Variants in FHAD1 observed in about 807,000 individuals in gnomAD.
The protein encoded by FHAD1 is forkhead associated phosphopeptide binding domain 1.
A neutral mutation model predicts 191.3 loss-of-function variants in FHAD1; 146 were observed. That is an observed-to-expected ratio of 0.76 (90% CI 0.67 to 0.88). The LOEUF is 0.88. FHAD1 is among the 40% of genes least tolerant of loss of function. The pLI is 0.00. For synonymous variants in FHAD1, 616 were observed against 672.3 expected, an observed-to-expected ratio of 0.92 and a Z score of 1.29; for missense variants, 1,635 against 1,785.8, an observed-to-expected ratio of 0.92 and a Z score of 1.52.
At position 15,363,841 on chromosome 1, in the gene FHAD1, G is replaced by A. The variant is rs773993505; in HGVS notation, c.3047+1115G>A. On this transcript the variant is annotated intron_variant, in intron 23 of 33. Coordinates refer to ENST00000688493, the MANE Select transcript of FHAD1 (RefSeq NM_001391957.1). ...GAAAGCAGCACGTAAAGAAGGAGGC[G>A]CCGATGGGATGCAGTGGAGGGATTC... 29 of 454,260 alleles carry A rather than the reference G, an allele frequency of 6.4e-5. No homozygotes were observed. The East Asian group carries it at 1.1e-3, about 17-fold the overall frequency. The allele number at this position is 454,260 out of a possible 1,614,324, so 28.1% of individuals were successfully genotyped here.
rs559092328 is a variant in FHAD1, at chr1:15,258,910, C to G, written c.93+7033C>G. 4.6e-5 allele frequency among the ~76,000 whole-genome samples: 7 copies of G among 152,236 alleles called. No individual in the cohort carries two copies. In the East Asian group the frequency reaches 1.4e-3, roughly 29 times the overall value. ...TCTCTTCAAGCCCCTGCTTTCAGTT[C>G]TTTCAGATCCATACCCAGAAGAGAA... On this transcript the variant is annotated intron_variant, in intron 2 of 33. Transcript: ENST00000688493.
chr1:15,345,174 T>G lies in FHAD1; in HGVS notation c.2222T>G (p.Leu741Arg), dbSNP rs1488428766. The G allele has an allele frequency of 6.4e-7, 1 of 1,551,402 alleles. No individual in the cohort carries two copies. The highest frequency in any genetic ancestry group is 8.7e-7 in the Non-Finnish European group (1 of 1,146,848). Reference sequence around the variant, plus strand: ...AGAATGCAAGAACTGGAGAGCCTCCTGGCCCAGCAGAAGAAGGTATGTGGC... The same window carrying G: ...AGAATGCAAGAACTGGAGAGCCTCCGGGCCCAGCAGAAGAAGGTATGTGGC... ...RKRMQELESL[L>R]AQQKKALAKS... The change falls in exon 17 of 34, where the codon CTG becomes CGG. Residue 741 changes from leucine (L) to arginine (R), a missense_variant. Transcript: ENST00000688493.
intron 33 of FHAD1, among the ~76,000 whole-genome samples, chr1:15,394,696 G>C (rs1334203785): frequency 6.6e-6 from 1 of 152,180 alleles, no homozygotes; most frequent in African/African-American, 2.4e-5. Context: ...GCCCTCTGAG[G>C]AAGGCAGGAT....
Position 15,278,475 on chromosome 1 carries a change from C to CTTTTTTT in FHAD1, c.300+5956_300+5962dup, listed in dbSNP as rs34110532. 1.5e-4 allele frequency among the ~76,000 whole-genome samples: 19 copies of CTTTTTTT among 124,332 alleles called. 1 individual carries two copies. Among genetic ancestry groups the CTTTTTTT allele is most frequent in the South Asian group, 1.5e-3 (6 of 3,972 alleles). The allele number at this position is 124,332 out of a possible 152,430, so 81.6% of individuals were successfully genotyped here. The stretch of plus-strand genomic sequence containing the variant: ...ACGCTTTGAACAGTCTTCATTACCT[C>CTTTTTTT]TTTTTTTTTTTTTTTTGAGACGGAG... On this transcript the variant is annotated intron_variant, in intron 3 of 33. Transcript: ENST00000688493.
intron 3 of FHAD1, among the ~76,000 whole-genome samples, chr1:15,277,047 T>C (rs746464914): frequency 3.3e-5 from 5 of 152,218 alleles, no homozygotes; most frequent in Non-Finnish European, 7.3e-5. Context: ...TGTTGGTTTC[T>C]TTAGTGCTTT....
chr1:15,390,342 C>A (rs1265062695), intron 32 of FHAD1, among the ~76,000 whole-genome samples: 1 of 83,842 alleles, frequency 1.2e-5, no homozygotes, highest in African/African-American at 7.3e-5. Context: ...AAGACTCTGT[C>A]TCAAAAAAAA....
At chr1:15,290,766 T>C (rs894901332) in intron 4 of FHAD1, among the ~76,000 whole-genome samples, 3 of 151,684 alleles carry the variant, frequency 2.0e-5, no homozygotes, top group African/African-American at 7.3e-5. Flanking sequence ...ATTTCGGCAG[T>C]GGTGCCATCT....
In FHAD1 at chr1:15,329,350, G is replaced by A; in HGVS notation, c.1715G>A (p.Cys572Tyr). 2 of 1,540,902 alleles carry A rather than the reference G, an allele frequency of 1.3e-6. No homozygotes were observed. The highest frequency in any genetic ancestry group is 8.8e-7 in the Non-Finnish European group (1 of 1,138,422). ...LRTSLDSCQA[C>Y]MKISCCSHDL... is the part of the protein sequence containing the mutation. ...CATGATCTCACCTCTTTGCAGGCTTGCATGAAAATATCCTGTTGCAGCCAT... is the reference window on the plus strand; with the variant it reads ...CATGATCTCACCTCTTTGCAGGCTTACATGAAAATATCCTGTTGCAGCCAT... Residue 572 changes from cysteine to tyrosine, a missense_variant, in exon 14 of 34, where the codon TGC (cysteine) becomes TAC (tyrosine). Cys to Tyr is a radical substitution (Grantham distance 194). Coordinates refer to ENST00000688493, the MANE Select transcript of FHAD1 (RefSeq NM_001391957.1). This position sits in a 1 kb window ranked among gnomAD's most constrained non-coding sequence, Gnocchi z 5.0.
intron 3 of FHAD1, among the ~76,000 whole-genome samples, chr1:15,285,465 G>A (rs879608517): frequency 3.3e-5 from 5 of 152,138 alleles, no homozygotes; most frequent in African/African-American, 4.8e-5. Flanking sequence ...CCCAGGAGGC[G>A]GAGGTTGCAG....
In FHAD1 at chr1:15,312,780, T is replaced by G. The variant is rs918959333; in HGVS notation, c.1040-277T>G. 2.6e-5 allele frequency among the ~76,000 whole-genome samples: 4 copies of G among 152,192 alleles called. No individual in the cohort carries two copies. Among genetic ancestry groups the G allele is most frequent in the African/African-American group, 7.2e-5 (3 of 41,462 alleles). On this transcript the variant is annotated intron_variant, in intron 7 of 33. Coordinates refer to ENST00000688493, the MANE Select transcript of FHAD1 (RefSeq NM_001391957.1). This position sits in a 1 kb window ranked among gnomAD's most constrained non-coding sequence, Gnocchi z 4.7. ...GTCGTGGCCCCTCCTGGTCCCTCTC[T>G]CTGCTGAGCCTTTGTTCCCAGGCAG...
chr1:15,256,705 A>ACCCTG (rs943134971), intron 2 of FHAD1, among the ~76,000 whole-genome samples: 58 of 147,122 alleles, frequency 3.9e-4, no homozygotes, highest in Non-Finnish European at 7.3e-4. Context: ...TTAGGACCTC[A>ACCCTG]CCCTGCCCTG....
Position 15,325,792 on chromosome 1 carries a change from A to C in FHAD1, c.1473+1233A>C. 1 of 152,438 alleles carries C rather than the reference A, an allele frequency of 6.6e-6. No homozygotes were observed. The highest frequency in any genetic ancestry group is 1.9e-4 in the East Asian group (1 of 5,180). The allele number at this position is 152,438 out of a possible 1,614,324, so 9.4% of individuals were successfully genotyped here. Reference sequence around the variant, plus strand: ...CTGCTCCAGGTCTAGACTTGAGAGAAAGGACAAGCCCTCTCTCTGCCTCCC... The same window carrying C: ...CTGCTCCAGGTCTAGACTTGAGAGACAGGACAAGCCCTCTCTCTGCCTCCC... On this transcript the variant is annotated intron_variant, in intron 11 of 33. Coordinates refer to ENST00000688493, the MANE Select transcript of FHAD1 (RefSeq NM_001391957.1). This position sits in a 1 kb window ranked among gnomAD's most constrained non-coding sequence, Gnocchi z 4.6.
intron 2 of FHAD1, among the ~76,000 whole-genome samples, chr1:15,269,053 G>A (rs1003147593): frequency 2.6e-5 from 4 of 151,982 alleles, no homozygotes; most frequent in Non-Finnish European, 5.9e-5. Context: ...AATAATTTGT[G>A]TCTTCTCTCT....
chr1:15,373,711 T>C (rs1698768866), intron 26 of FHAD1, among the ~76,000 whole-genome samples: 1 of 151,738 alleles, frequency 6.6e-6, no homozygotes, highest in Non-Finnish European at 1.5e-5. Flanking sequence ...GAAAAATTAG[T>C]CGGGCGTGGT....
At chr1:15,340,124 C>T (rs115933662) in intron 15 of FHAD1, among the ~76,000 whole-genome samples, 3 of 152,306 alleles carry the variant, frequency 2.0e-5, no homozygotes, top group East Asian at 3.8e-4. Flanking sequence ...CTGCACCAGC[C>T]TTAATGCCAT....
In FHAD1 at chr1:15,262,952, G is replaced by A. The variant is rs181711252; in HGVS notation, c.94-9371G>A. Among the ~76,000 whole-genome samples the A allele has an allele frequency of 2.9e-3, 448 of 152,278 alleles. 3 individuals are homozygous for A. The highest frequency in any genetic ancestry group is 4.9e-3 in the Non-Finnish European group (332 of 68,022). On this transcript the variant is annotated intron_variant, in intron 2 of 33. Transcript: ENST00000688493. ...GTGCACGAGGGTTTAACATCTCCAC[G>A]TCCTCGCCAACACTTATTTTCTGTG... is the stretch of plus-strand genomic sequence containing the variant.
chr1:15,376,175 C>T (rs546590812), intron 28 of FHAD1, among the ~76,000 whole-genome samples: 2 of 151,484 alleles, frequency 1.3e-5, no homozygotes, highest in South Asian at 2.1e-4. Context: ...CTGCAAGCTC[C>T]GCCTCCCAAG....
intron 29 of FHAD1, 83 bp downstream of exon 29, chr1:15,380,879 A>G (rs1250374062): frequency 8.2e-6 from 8 of 978,424 alleles, no homozygotes; most frequent in African/African-American, 1.6e-5. Context: ...TAGTTTAAAT[A>G]TCAACCTCAC....
rs34718796 is a variant in FHAD1, at chr1:15,248,051, CT to C, written c.-15+670del. On this transcript the variant is annotated intron_variant, in intron 1 of 33. Transcript: ENST00000688493. ...CAACCCATTCAGCTAAAGAAATAGACTTTTTTTTTTTTTTCCAGAATGTCAT... is the reference window on the plus strand; with the variant it reads ...CAACCCATTCAGCTAAAGAAATAGACTTTTTTTTTTTTTCCAGAATGTCAT... Among the ~76,000 whole-genome samples, 411 of 143,234 alleles carry C rather than the reference CT, an allele frequency of 2.9e-3. 2 individuals carry two copies. Among genetic ancestry groups the C allele is most frequent in the East Asian group, 7.5e-3 (37 of 4,946 alleles). The allele number at this position is 143,234 out of a possible 152,430, so 94.0% of individuals were successfully genotyped here. A position where few individuals can be genotyped will look rare whatever the true frequency, so the allele number is the denominator to read the frequency against.
Sources: gnomAD v4.1 joint callset for allele counts (sites outside exome capture counted in the v4.1 genomes callset) on GRCh38, gnomAD v4.1.1 for gene constraint, Gnocchi (gnomAD v3.1) non-coding constraint, MANE v1.5 for transcripts, NCBI Gene and HGNC (gene_info 2026-07-23, HGNC 2026-07-21) for gene names.